FRMD6: variants seen among roughly 807,000 people sequenced by gnomAD.
The protein encoded by FRMD6 is FERM domain-containing protein 6.
FRMD6 carries 37 observed loss-of-function variants against 73.2 expected under a neutral mutation model. That is an observed-to-expected ratio of 0.51 (90% confidence interval 0.39 to 0.66). FRMD6 has a LOEUF of 0.66. Among genes scored for constraint, FRMD6 ranks in the 30% least tolerant of loss-of-function variants. FRMD6 has a pLI of 0.00. For missense variants in FRMD6, 714 were observed against 780.5 expected, an observed-to-expected ratio of 0.91 and a Z score of 1.02; for synonymous variants, 273 against 282.2, an observed-to-expected ratio of 0.97 and a Z score of 0.33.
At chr14:51,557,382 T>C (rs1162864057) in intron 1 of FRMD6, among the ~76,000 whole-genome samples, 1 of 152,126 alleles carries the variant, frequency 6.6e-6, no homozygotes, top group Non-Finnish European at 1.5e-5. Flanking sequence ...CTAAGTGGTA[T>C]AAGCCAGGCA....
At chr14:51,646,755 T>C (rs1892093964) in intron 2 of FRMD6, among the ~76,000 whole-genome samples, 1 of 151,486 alleles carries the variant, frequency 6.6e-6, no homozygotes, top group Non-Finnish European at 1.5e-5. Flanking sequence ...GTCTTCTGTA[T>C]AAGGTAAAGT....
intron 7 of FRMD6, 138 bp from the exon 8 acceptor site, chr14:51,711,393 G>C: frequency 1.9e-6 from 1 of 521,764 alleles, no homozygotes; most frequent in Non-Finnish European, 3.4e-6. Flanking sequence ...ATGTGGAAAG[G>C]CTTGAGCAAA....
chr14:51,667,280 A>T (rs1893670922), intron 1 of FRMD6, among the ~76,000 whole-genome samples: 1 of 152,228 alleles, frequency 6.6e-6, no homozygotes, highest in African/African-American at 2.4e-5. Context: ...AAACTTAGTA[A>T]TCCCCCAACA....
At chr14:51,686,674 A>G (rs1409536588) in intron 1 of FRMD6, among the ~76,000 whole-genome samples, 2 of 152,038 alleles carry the variant, frequency 1.3e-5, no homozygotes, top group African/African-American at 2.4e-5. Flanking sequence ...AAGATAATAG[A>G]TCCTAAGATC....
intron 1 of FRMD6, among the ~76,000 whole-genome samples, chr14:51,660,025 C>T (rs931517463): frequency 2.0e-5 from 3 of 152,204 alleles, no homozygotes; most frequent in Non-Finnish European, 2.9e-5. Context: ...CTAGAAGAAT[C>T]GTGCTGTATC....
the FRMD6 span, among the ~76,000 whole-genome samples, chr14:51,417,108 T>A: frequency 1.3e-5 from 2 of 152,210 alleles, no homozygotes; most frequent in Admixed American, 6.5e-5. Context: ...CTGTACCCAA[T>A]TTGCCAGTCT....
intron 2 of FRMD6, among the ~76,000 whole-genome samples, chr14:51,696,285 T>TGA: frequency 6.6e-6 from 1 of 151,570 alleles, no homozygotes; most frequent in South Asian, 2.1e-4. Flanking sequence ...CTAATAAACC[T>TGA]TGATGATTCT....
chr14:51,717,668 T>A (rs1273957119), intron 10 of FRMD6, among the ~76,000 whole-genome samples: 1 of 152,186 alleles, frequency 6.6e-6, no homozygotes, highest in African/African-American at 2.4e-5. Flanking sequence ...AACTTTGGCC[T>A]GAATCCAAGA....
chr14:51,567,967 T>C (rs962260259), intron 1 of FRMD6, among the ~76,000 whole-genome samples: 4 of 152,228 alleles, frequency 2.6e-5, no homozygotes, highest in African/African-American at 9.7e-5. Flanking sequence ...GTAGTTATAC[T>C]AGGAATGAGT....
chr14:51,536,653 G>A (rs1245105667), intron 1 of FRMD6, among the ~76,000 whole-genome samples: 1 of 151,864 alleles, frequency 6.6e-6, no homozygotes, highest in East Asian at 1.9e-4. Flanking sequence ...CTGACCTCAA[G>A]TGATCTGCCC....
At position 51,640,586 on chromosome 14, in the gene FRMD6, ATTC is replaced by A. The variant is rs368950416; in HGVS notation, c.-146-49099_-146-49097del. ...GTGCTTAATGATCCCGTTTACAACT[ATTC>A]TTCTTGGGTTTTGTCTTCATGAGAA... On this transcript the variant is annotated intron_variant, in intron 2 of 14. Coordinates refer to the FRMD6 transcript ENST00000356218. 3.0e-4 allele frequency among the ~76,000 whole-genome samples: 46 copies of A among 152,356 alleles called. No individual in the cohort carries two copies. The South Asian group carries it at 8.9e-3, about 29-fold the overall frequency.
the FRMD6 span, among the ~76,000 whole-genome samples, chr14:51,427,084 GCTTT>G: frequency 6.6e-6 from 1 of 152,158 alleles, no homozygotes; most frequent in East Asian, 1.9e-4. Flanking sequence ...TAAAATAATT[GCTTT>G]CTGAGACCTA....
At chr14:51,493,047 G>T (rs1321663296) in intron 1 of FRMD6, among the ~76,000 whole-genome samples, 2 of 152,154 alleles carry the variant, frequency 1.3e-5, no homozygotes, top group Admixed American at 6.5e-5. Context: ...GGGAAACTGA[G>T]ACTCAGAAGA....
chr14:51,398,915 G>A, the FRMD6 span, among the ~76,000 whole-genome samples: 7 of 152,130 alleles, frequency 4.6e-5, no homozygotes, highest in Non-Finnish European at 7.4e-5. Flanking sequence ...GATTGCCAGT[G>A]TGTACAGAAT....
intron 2 of FRMD6, among the ~76,000 whole-genome samples, chr14:51,597,807 G>A (rs968059529): frequency 2.4e-4 from 37 of 152,222 alleles, no homozygotes; most frequent in African/African-American, 8.7e-4. Context: ...CCAATTCCAA[G>A]GTCTAGCACT....
At chr14:51,633,925 C>T (rs1052191009) in intron 2 of FRMD6, among the ~76,000 whole-genome samples, 10 of 152,098 alleles carry the variant, frequency 6.6e-5, no homozygotes, top group African/African-American at 2.4e-4. Flanking sequence ...TGCTATTAAT[C>T]CATTTCTTCG....
intron 2 of FRMD6, among the ~76,000 whole-genome samples, chr14:51,633,728 C>G (rs547370443): frequency 2.0e-4 from 31 of 151,400 alleles, no homozygotes; most frequent in African/African-American, 7.3e-4. Flanking sequence ...AATAATAACT[C>G]TAATCAATTT....
the FRMD6 span, among the ~76,000 whole-genome samples, chr14:51,430,141 T>A: frequency 1.3e-5 from 2 of 152,242 alleles, no homozygotes; most frequent in African/African-American, 4.8e-5. Flanking sequence ...AGATGTTCAA[T>A]GCCATGGGCT....
chr14:51,510,940 C>G (rs1250953796), intron 1 of FRMD6, among the ~76,000 whole-genome samples: 1 of 152,146 alleles, frequency 6.6e-6, no homozygotes, highest in Non-Finnish European at 1.5e-5. Context: ...CGTCTCTGCT[C>G]AGGGTCCACC....
Sources: gnomAD v4.1 joint callset for allele counts (sites outside exome capture counted in the v4.1 genomes callset) on GRCh38, gnomAD v4.1.1 for gene constraint, MANE v1.5 for transcripts, NCBI Gene and HGNC (gene_info 2026-07-23, HGNC 2026-07-21) for gene names.